PHF23: variants seen among roughly 807,000 people sequenced by gnomAD.
The protein encoded by PHF23 is PDH-containing protein JUNE-1.
Under a neutral mutation model 36.0 loss-of-function variants are expected in PHF23, and 3 were observed. The observed-to-expected ratio is 0.08, with a 90% confidence interval of 0.04 to 0.22. The LOEUF (loss-of-function observed/expected upper bound fraction) is 0.22. Among genes scored for constraint, PHF23 ranks in the 10% least tolerant of loss-of-function variants. The pLI is 1.00. For missense variants in PHF23, 475 were observed against 513.6 expected, an observed-to-expected ratio of 0.92 and a Z score of 0.73; for synonymous variants, 242 against 192.5, an observed-to-expected ratio of 1.26 and a Z score of -2.13.
intron 3 of PHF23, 99 bp downstream of exon 3, chr17:7,237,286 A>AGGGGCCTCCTTCT: frequency 1.9e-6 from 2 of 1,066,642 alleles, no homozygotes; most frequent in Admixed American, 2.2e-5. Context: ...TATAATTTCT[A>AGGGGCCTCCTTCT]AGGGCCTCCT....
chr17:7,239,365 G>C lies in PHF23; in HGVS notation c.-86C>G. ...GCCTCTAGTGCTCGATGCTCCCACTGCTTCGCTCCACAGAAGTGTCCGCCT... is the reference window on the plus strand; with the variant it reads ...GCCTCTAGTGCTCGATGCTCCCACTCCTTCGCTCCACAGAAGTGTCCGCCT... On this transcript the variant is annotated 5_prime_UTR_variant, in exon 1 of 5. Transcript: ENST00000320316. The C allele has an allele frequency of 2.9e-6, 2 of 696,848 alleles. No individual in the cohort carries two copies. Among genetic ancestry groups the C allele is most frequent in the Non-Finnish European group, 5.0e-6 (2 of 398,148 alleles). 43.2% of individuals were successfully genotyped at this position (696,848 alleles called of 1,614,324 possible).
chr17:7,238,285 G>GCCCC (rs72082691), intron 1 of PHF23: 2 of 34,716 alleles, frequency 5.8e-5, no homozygotes, highest in Non-Finnish European at 1.0e-4. Context: ...GCCCCCACCT[G>GCCCC]CCCCCCCCCC....
At chr17:7,239,200 G>C (rs1221479088) in intron 1 of PHF23, 46 bp downstream of exon 1, 1 of 1,344,514 alleles carries the variant, frequency 7.4e-7, no homozygotes, top group Non-Finnish European at 1.0e-6. Flanking sequence ...TTGATTCCTC[G>C]CCCGCCCCCC....
Position 7,237,640 on chromosome 17 carries a change from G to C in PHF23, c.55C>G (p.Pro19Ala). ...SPEDPPPTLK[P>A]ETQPPEKRRR... ...AAGGCAAACCTCACCTGAGTCTCTG[G>C]CTTAAGGGTCGGAGGTGGATCTGGA... Residue 19 changes from proline to alanine, a missense_variant, in exon 2 of 5, where the codon CCA (proline) becomes GCA (alanine). Physicochemically the swap from Pro to Ala is conservative, Grantham distance 27. This residue lies in a region of PHF23 where 54 missense variants were observed against 42.0 expected (regional missense o/e 1.28). Transcript: ENST00000320316. 1.2e-6 allele frequency: 2 copies of C among 1,613,960 alleles called. No individual in the cohort carries two copies. Among genetic ancestry groups the C allele is most frequent in the Non-Finnish European group, 1.7e-6 (2 of 1,179,950 alleles).
Position 7,239,279 on chromosome 17 carries a change from TCGCCCCCTCCCCTCCTCCCGGTCCGG to T in PHF23, c.-26_-1del. ...CTGGGCTCCGCCATGGCTTCCAGCA[TCGCCCCCTCCCCTCCTCCCGGTCCGG>T]CGCCCCCCTCCCCGGAGCCGGGGAT... On this transcript the variant is annotated 5_prime_UTR_variant, in exon 1 of 5. Coordinates refer to ENST00000320316, the MANE Select transcript of PHF23 (RefSeq NM_024297.3). 1.3e-6 allele frequency: 2 copies of T among 1,488,296 alleles called. No individual in the cohort carries two copies. Among genetic ancestry groups the T allele is most frequent in the Non-Finnish European group, 1.9e-6 (2 of 1,078,078 alleles). The allele number at this position is 1,488,296 out of a possible 1,614,324, so 92.2% of individuals were successfully genotyped here.
In PHF23 at chr17:7,235,854, G is replaced by A; in HGVS notation, c.998-14C>T. 5 of 1,614,118 alleles carry A rather than the reference G, an allele frequency of 3.1e-6. No homozygotes were observed. The highest frequency in any genetic ancestry group is 4.2e-6 in the Non-Finnish European group (5 of 1,180,002). The stretch of plus-strand genomic sequence containing the variant: ...ATGAGTCATCACCTGGGGAAAAAAA[G>A]GTTTGTTTGGTATTCTGCCTGAGCT... On this transcript the variant is annotated splice_polypyrimidine_tract_variant and intron_variant, in intron 4 of 4. Transcript: ENST00000320316.
rs1328068900 is a variant in PHF23, at chr17:7,237,632, A to T, written c.63T>A (p.Thr21=). 1 of 1,613,888 alleles carries T rather than the reference A, an allele frequency of 6.2e-7. No individual in the cohort carries two copies. The highest frequency in any genetic ancestry group is 1.3e-5 in the African/African-American group (1 of 74,888). ...GCAAAGGTAAGGCAAACCTCACCTG[A>T]GTCTCTGGCTTAAGGGTCGGAGGTG... ...EDPPPTLKPE[T]QPPEKRRRTI... The change falls in exon 2 of 5, where the codon ACT becomes ACA. Residue 21 remains threonine (T), a synonymous_variant. Transcript: ENST00000320316.
At position 7,236,043 on chromosome 17, in the gene PHF23, G is replaced by A. The variant is rs374082044; in HGVS notation, c.884C>T (p.Pro295Leu). The A allele has an allele frequency of 2.5e-5, 41 of 1,613,912 alleles. No individual in the cohort carries two copies. Among genetic ancestry groups the A allele is most frequent in the Non-Finnish European group, 3.1e-5 (36 of 1,179,948 alleles). Residue 295 changes from proline (P) to leucine (L), a missense_variant, in exon 4 of 5, where the codon CCT becomes CTT. This residue lies in a region of PHF23 where 350 missense variants were observed against 319.8 expected (regional missense o/e 1.09). Coordinates refer to ENST00000320316, the MANE Select transcript of PHF23 (RefSeq NM_024297.3). The surrounding 1 kb of genome is among the most constrained non-coding windows in gnomAD (Gnocchi z 5.1). ...CACCTCCTTGCTTTCACTGTCAGCA[G>A]GAGGGACTCCTTCAGGGTGCACTGT... is the stretch of plus-strand genomic sequence containing the variant. ...PATVHPEGVP[P>L]ADSESKEVGS...
In PHF23 at chr17:7,235,553, T is replaced by C. The variant is rs756849802; in HGVS notation, c.*73A>G. ...CAGACAGTATCCAAGCTCCAGGGGA[T>C]AGGCTGAGGACCCTGAGGCTCAGTT... On this transcript the variant is annotated 3_prime_UTR_variant, in exon 5 of 5. Coordinates refer to ENST00000320316, the MANE Select transcript of PHF23 (RefSeq NM_024297.3). 4.9e-5 allele frequency: 73 copies of C among 1,476,062 alleles called. No homozygotes were observed. Among genetic ancestry groups the C allele is most frequent in the Non-Finnish European group, 6.4e-5 (68 of 1,069,558 alleles). The allele number at this position is 1,476,062 out of a possible 1,614,324, so 91.4% of individuals were successfully genotyped here.
chr17:7,237,869 T>A lies in PHF23; in HGVS notation c.35-209A>T, dbSNP rs1415130901. Reference sequence around the variant, plus strand: ...GGCGCGGCGCCCTCTGAGGCCTCGCTATAGCGCTCCCCTTCCCCCAACCGG... The same window carrying A: ...GGCGCGGCGCCCTCTGAGGCCTCGCAATAGCGCTCCCCTTCCCCCAACCGG... On this transcript the variant is annotated intron_variant, in intron 1 of 4. Coordinates refer to ENST00000320316, the MANE Select transcript of PHF23 (RefSeq NM_024297.3). The A allele has an allele frequency of 1.3e-5, 8 of 595,050 alleles. No homozygotes were observed. In the Admixed American group the frequency reaches 2.1e-4, roughly 16 times the overall value. The allele number at this position is 595,050 out of a possible 1,614,324, so 36.9% of individuals were successfully genotyped here.
upstream of PHF23, chr17:7,239,766 G>C (rs1191857417): frequency 6.5e-6 from 1 of 153,336 alleles, no homozygotes; most frequent in African/African-American, 2.4e-5. Context: ...GCCCCTGGGA[G>C]ATGTAGGCTG....
At chr17:7,237,688 GACACTAGGA>G in intron 1 of PHF23, 28 bp from the exon 2 acceptor site, 1 of 1,613,096 alleles carries the variant, frequency 6.2e-7, no homozygotes, top group African/African-American at 1.3e-5. Flanking sequence ...GCTGAGTCAA[GACACTAGGA>G]ACAATCTGTG....
Position 7,235,528 on chromosome 17 carries a change from CAG to C in PHF23, c.*96_*97del. 8.0e-7 allele frequency: 1 copy of C among 1,244,936 alleles called. No homozygotes were observed. Among genetic ancestry groups the C allele is most frequent in the South Asian group, 1.2e-5 (1 of 80,550 alleles). The allele number at this position is 1,244,936 out of a possible 1,614,324, so 77.1% of individuals were successfully genotyped here. A position where few individuals can be genotyped will look rare whatever the true frequency, so the allele number is the denominator to read the frequency against. On this transcript the variant is annotated 3_prime_UTR_variant, in exon 5 of 5. Coordinates refer to ENST00000320316, the MANE Select transcript of PHF23 (RefSeq NM_024297.3). ...CCTTGAGAATTCCTGCCTTGAAGTG[CAG>C]ACAGTATCCAAGCTCCAGGGGATAG...
chr17:7,235,169 G>T lies in PHF23; in HGVS notation c.*457C>A. On this transcript the variant is annotated 3_prime_UTR_variant, in exon 5 of 5. Transcript: ENST00000320316. ...TCCTTCCTCACTTGGCCAGGCTCTA[G>T]TACTCCACCTTTGAGCTGCCATGCC... 1 of 206,086 alleles carries T rather than the reference G, an allele frequency of 4.9e-6. No individual in the cohort carries two copies. 12.8% of individuals were successfully genotyped at this position (206,086 alleles called of 1,614,324 possible). A position where few individuals can be genotyped will look rare whatever the true frequency, so the allele number is the denominator to read the frequency against.
upstream of PHF23, chr17:7,240,820 A>G (rs771201319): frequency 6.7e-7 from 1 of 1,494,498 alleles, no homozygotes; most frequent in Non-Finnish European, 9.3e-7. Context: ...CTCTTTGTAG[A>G]ATGAGACCCC....
Position 7,235,319 on chromosome 17 carries a change from C to G in PHF23, c.*307G>C. On this transcript the variant is annotated 3_prime_UTR_variant, in exon 5 of 5. Transcript: ENST00000320316. Reference sequence around the variant, plus strand: ...ACACTAGAGTTTTATAGACAACTGTCCCATTCCATCCCAATTCCAATCCTG... The same window carrying G: ...ACACTAGAGTTTTATAGACAACTGTGCCATTCCATCCCAATTCCAATCCTG... 2.3e-6 allele frequency: 1 copy of G among 428,158 alleles called. No individual in the cohort carries two copies. The highest frequency in any genetic ancestry group is 4.4e-6 in the Non-Finnish European group (1 of 229,722). The allele number at this position is 428,158 out of a possible 1,614,324, so 26.5% of individuals were successfully genotyped here. A position where few individuals can be genotyped will look rare whatever the true frequency, so the allele number is the denominator to read the frequency against.
upstream of PHF23, chr17:7,240,751 T>C (rs1353936700): frequency 2.6e-6 from 2 of 772,466 alleles, no homozygotes; most frequent in Admixed American, 2.0e-5. Flanking sequence ...CGGTCCTGAA[T>C]AAGGGAGGTG....
chr17:7,239,476 C>T, upstream of PHF23: 3 of 473,828 alleles, frequency 6.3e-6, no homozygotes, highest in East Asian at 3.8e-5. Context: ...GGGCCCCCTC[C>T]CCCCGCGCCG....
chr17:7,236,461 G>T lies in PHF23; in HGVS notation c.466C>A (p.His156Asn). ...ASPLSPTSLT[H>N]TSRPPAALTP... ...AGAGCAGCAGGGGGCCGGGAGGTAT[G>T]TGTCAGGGATGTGGGGGACAAAGGA... Residue 156 changes from histidine (H) to asparagine (N), a missense_variant, in exon 4 of 5, where the codon CAT becomes AAT. Transcript: ENST00000320316. This position sits in a 1 kb window ranked among gnomAD's most constrained non-coding sequence, Gnocchi z 5.1. 1 of 1,613,844 alleles carries T rather than the reference G, an allele frequency of 6.2e-7. No individual in the cohort carries two copies.
Sources: gnomAD v4.1 joint callset for allele counts on GRCh38, gnomAD v4.1.1 for gene constraint, gnomAD v4.1.1 regional missense constraint, Gnocchi (gnomAD v3.1) non-coding constraint, MANE v1.5 for transcripts, NCBI Gene and HGNC (gene_info 2026-07-23, HGNC 2026-07-21) for gene names.